The following PUS10 variants were observed in gnomAD, a reference collection of about 807,000 sequenced individuals.
PUS10 encodes the protein pseudouridine synthase 10.
A neutral mutation model predicts 75.0 loss-of-function variants in PUS10; 59 were observed. The ratio of observed to expected loss-of-function variants is 0.79; its 90% confidence interval spans 0.64 to 0.98. PUS10 has a LOEUF of 0.98. Ranked by LOEUF, PUS10 falls within the 50% of genes least tolerant of loss-of-function variation. PUS10 has a pLI of 0.00. For synonymous variants in PUS10, 219 were observed against 211.6 expected (o/e 1.03, Z -0.30); for missense variants, 650 against 614.4 (o/e 1.06, Z -0.61).
At chr2:61,000,110 C>A (rs1284983740) in intron 4 of PUS10, among the ~76,000 whole-genome samples, 1 of 152,130 alleles carries the variant, frequency 6.6e-6, no homozygotes, top group African/African-American at 2.4e-5. Context: ...GGCTTAAACA[C>A]CCTAATGACG....
intron 5 of PUS10, 49 bp from the exon 6 acceptor site, chr2:60,967,662 C>A (rs979884464): frequency 8.0e-7 from 1 of 1,255,324 alleles, no homozygotes; most frequent in South Asian, 1.3e-5. Context: ...TTTACTTTTT[C>A]TATTAAAGGC....
intron 12 of PUS10, 68 bp downstream of exon 12, chr2:60,954,950 G>C: frequency 1.9e-6 from 2 of 1,060,206 alleles, no homozygotes; most frequent in South Asian, 1.7e-5. Context: ...ACTATGCTAA[G>C]CCTGCTGTCT....
intron 4 of PUS10, among the ~76,000 whole-genome samples, chr2:60,983,359 T>C (rs1181142770): frequency 1.3e-5 from 2 of 152,138 alleles, no homozygotes; most frequent in Non-Finnish European, 2.9e-5. Flanking sequence ...CAACATACTA[T>C]ACTTGGAATA....
intron 4 of PUS10, among the ~76,000 whole-genome samples, chr2:60,982,855 G>T (rs576420176): frequency 6.6e-5 from 10 of 150,722 alleles, no homozygotes; most frequent in African/African-American, 2.4e-4. Flanking sequence ...TTTGAGACAG[G>T]GTCTCTTTCT....
rs1573465924 is a variant in PUS10 at position 60,985,627 on chromosome 2, A to C, written c.469-14070T>G. On this transcript the variant is annotated intron_variant, in intron 4 of 17. Coordinates refer to ENST00000316752, the MANE Select transcript of PUS10 (RefSeq NM_144709.4). ...GCGATTCTAACACCTCAGCCTCCCG[A>C]GTAGCGGGAATTACAGGCATGTGCC... Among the ~76,000 whole-genome samples the C allele has an allele frequency of 2.6e-5, 4 of 152,104 alleles. No individual in the cohort carries two copies. In the South Asian group the frequency reaches 8.3e-4, roughly 32 times the overall value.
intron 2 of PUS10, chr2:61,010,953 C>T: frequency 6.7e-7 from 1 of 1,502,344 alleles, no homozygotes; most frequent in Non-Finnish European, 9.0e-7. Flanking sequence ...TATATAAGAC[C>T]TTGACATATA....
intron 4 of PUS10, among the ~76,000 whole-genome samples, chr2:60,973,147 C>T (rs1160483170): frequency 6.6e-6 from 1 of 152,230 alleles, no homozygotes; most frequent in Non-Finnish European, 1.5e-5. Context: ...CAACCTCGCT[C>T]CCCATCACCA....
intron 4 of PUS10, among the ~76,000 whole-genome samples, chr2:60,992,895 C>T (rs187765577): frequency 3.3e-5 from 5 of 152,278 alleles, no homozygotes; most frequent in African/African-American, 9.6e-5. Flanking sequence ...CATTTACTTA[C>T]ACAAGTAGCT....
chr2:60,947,942 G>A lies in PUS10; in HGVS notation c.1451+101C>T, dbSNP rs532931980. The A allele has an allele frequency of 2.9e-3, 3,544 of 1,216,276 alleles. 18 individuals carry two copies. Among genetic ancestry groups the A allele is most frequent in the South Asian group, 0.015 (1,107 of 74,898 alleles). The allele number at this position is 1,216,276 out of a possible 1,614,324, so 75.3% of individuals were successfully genotyped here. ...TTCTTCTTCAGTATAATCCTTTCCC[G>A]AATCCCTCCCAGACCAAGCTGACCC... On this transcript the variant is annotated intron_variant, in intron 16 of 17. Coordinates refer to ENST00000316752, the MANE Select transcript of PUS10 (RefSeq NM_144709.4).
At chr2:61,003,833 T>C (rs914895135) in intron 4 of PUS10, among the ~76,000 whole-genome samples, 44 of 152,190 alleles carry the variant, frequency 2.9e-4, no homozygotes, top group African/African-American at 1.1e-3. Context: ...TGAGCTACTG[T>C]GACTAGCCAT....
In PUS10 at chr2:61,018,063, A is replaced by T. The variant is rs57007118; in HGVS notation, c.-71T>A. ...TCTGACCCGGCAGCTCTAATCAGCAACGTTTTTTTCGGGAGCTCCTGGGCG... is the reference window on the plus strand; with the variant it reads ...TCTGACCCGGCAGCTCTAATCAGCATCGTTTTTTTCGGGAGCTCCTGGGCG... On this transcript the variant is annotated 5_prime_UTR_variant, in exon 1 of 18. In the 5' UTR this introduces an upstream ATG that the reference lacks. Transcript: ENST00000316752. The T allele has an allele frequency of 3.3e-6, 5 of 1,497,734 alleles. No individual in the cohort carries two copies. The Admixed American group carries it at 1.2e-4, about 35-fold the overall frequency. 92.8% of individuals were successfully genotyped at this position (1,497,734 alleles called of 1,614,324 possible).
Position 60,966,601 on chromosome 2 carries a change from GT to G in PUS10, c.615+900del, listed in dbSNP as rs566186614. On this transcript the variant is annotated intron_variant, in intron 6 of 17. Transcript: ENST00000316752. ...TTGTGCTTCAAAACTGAAATTTGAG[GT>G]AAAAATATTTTGCATTAATGACTTC... 5.0e-3 allele frequency: 766 copies of G among 152,326 alleles called. 3 individuals are homozygous for G. Among genetic ancestry groups the G allele is most frequent in the Non-Finnish European group, 7.5e-3 (513 of 67,948 alleles). 9.4% of individuals were successfully genotyped at this position (152,326 alleles called of 1,614,324 possible).
chr2:61,002,136 G>A (rs1678895262), intron 4 of PUS10, among the ~76,000 whole-genome samples: 1 of 152,190 alleles, frequency 6.6e-6, no homozygotes. Context: ...GAGCTTGTTA[G>A]AAATGCAAAT....
At chr2:60,984,237 AAT>A (rs1280957272) in intron 4 of PUS10, among the ~76,000 whole-genome samples, 1 of 152,232 alleles carries the variant, frequency 6.6e-6, no homozygotes, top group Non-Finnish European at 1.5e-5. Flanking sequence ...ATGAAAGATT[AAT>A]AGTCACTATG....
chr2:61,017,780 TC>T lies in PUS10; in HGVS notation c.-16+227del. 6.5e-7 allele frequency: 1 copy of T among 1,549,452 alleles called. No homozygotes were observed. Among genetic ancestry groups the T allele is most frequent in the Non-Finnish European group, 8.7e-7 (1 of 1,146,602 alleles). On this transcript the variant is annotated intron_variant, in intron 1 of 17. Transcript: ENST00000316752. ...AGGAGATGGCGTCCCAGCCGCCACC[TC>T]CCCCCAAACCCTGGGAGACCCGCCG...
intron 4 of PUS10, among the ~76,000 whole-genome samples, chr2:61,005,714 T>G (rs756859553): frequency 1.3e-5 from 2 of 152,242 alleles, no homozygotes; most frequent in Non-Finnish European, 2.9e-5. Flanking sequence ...TTTGCTCAGT[T>G]ATCTTGTCAG....
intron 3 of PUS10, 21 bp from the exon 4 acceptor site, chr2:61,006,664 T>A: frequency 6.3e-7 from 1 of 1,579,092 alleles, no homozygotes; most frequent in Non-Finnish European, 8.7e-7. Flanking sequence ...ATTACAATTA[T>A]GTAAATTCCC....
intron 8 of PUS10, 31 bp from the exon 9 acceptor site, chr2:60,962,921 T>C: frequency 6.6e-7 from 1 of 1,522,706 alleles, no homozygotes; most frequent in African/African-American, 1.5e-5. Flanking sequence ...AGAAAAGACA[T>C]TTTATTATCC....
intron 10 of PUS10, among the ~76,000 whole-genome samples, chr2:60,960,836 C>A (rs1324952071): frequency 3.7e-5 from 4 of 109,264 alleles, no homozygotes; most frequent in African/African-American, 3.9e-5. Flanking sequence ...TATGAATATA[C>A]CAAGGATAAA....
Sources: allele counts gnomAD v4.1 joint callset (sites outside exome capture counted in the v4.1 genomes callset), GRCh38; gene constraint gnomAD v4.1.1; transcripts MANE v1.5; gene names NCBI Gene and HGNC (gene_info 2026-07-23, HGNC 2026-07-21).